STK38L: variants seen among roughly 807,000 people sequenced by gnomAD.
STK38L encodes serine/threonine-protein kinase 38-like.
Under a neutral mutation model 59.7 loss-of-function variants are expected in STK38L, and 28 were observed. That is an observed-to-expected ratio of 0.47 (90% CI 0.35 to 0.64). STK38L has a LOEUF of 0.64. Among genes scored for constraint, STK38L ranks in the 30% least tolerant of loss-of-function variants. The pLI is 0.01. For synonymous variants in STK38L, 162 were observed against 176.8 expected (o/e 0.92, Z 0.66); for missense variants, 314 against 555.8 (o/e 0.56, Z 4.37).
At chr12:27,258,999 CT>C (rs1307168484) in intron 1 of STK38L, among the ~76,000 whole-genome samples, 1 of 152,170 alleles carries the variant, frequency 6.6e-6, no homozygotes, top group African/African-American at 2.4e-5. Flanking sequence ...GAGAGTGGAG[CT>C]TGTTAAATAC....
At chr12:27,295,420 T>A (rs1353734857) in intron 1 of STK38L, among the ~76,000 whole-genome samples, 3 of 152,236 alleles carry the variant, frequency 2.0e-5, no homozygotes, top group Non-Finnish European at 4.4e-5. Context: ...GCAACAAGGC[T>A]GGGATTAGAT....
intron 6 of STK38L, among the ~76,000 whole-genome samples, chr12:27,313,238 G>C (rs1944500013): frequency 8.6e-6 from 1 of 116,668 alleles, no homozygotes; most frequent in Non-Finnish European, 1.7e-5. Flanking sequence ...AAAACAGCGA[G>C]ACTACGTCTC....
chr12:27,278,514 A>G (rs903260249), intron 1 of STK38L, among the ~76,000 whole-genome samples: 9 of 152,234 alleles, frequency 5.9e-5, no homozygotes, highest in East Asian at 3.9e-4. Context: ...GTCTCTTCCT[A>G]CTGTCATATT....
chr12:27,322,499 G>A lies in STK38L; in HGVS notation c.*44G>A, dbSNP rs1218179681. The A allele has an allele frequency of 1.3e-6, 2 of 1,595,004 alleles. No individual in the cohort carries two copies. The highest frequency in any genetic ancestry group is 1.7e-6 in the Non-Finnish European group (2 of 1,173,742). On this transcript the variant is annotated 3_prime_UTR_variant, in exon 14 of 14. Transcript: ENST00000389032. ...CATAACCAAGAGAACTCAGGTAGCTGCATCACCAGGCTTGCTTGGCGTAGA... is the reference window on the plus strand; with the variant it reads ...CATAACCAAGAGAACTCAGGTAGCTACATCACCAGGCTTGCTTGGCGTAGA...
intron 1 of STK38L, among the ~76,000 whole-genome samples, chr12:27,275,540 T>A (rs890315193): frequency 2.0e-5 from 3 of 152,002 alleles, no homozygotes; most frequent in Non-Finnish European, 2.9e-5. Flanking sequence ...GGTTTCACCA[T>A]GTTGGCCAGG....
rs1944759906 is a variant in STK38L at position 27,322,687 on chromosome 12, G to A, written c.*232G>A. On this transcript the variant is annotated 3_prime_UTR_variant, in exon 14 of 14. Transcript: ENST00000389032. ...ATTTTTGTTAACTTTATTATATGAA[G>A]GTACTGGAATAAAAGGAACAGACAT... 5.2e-6 allele frequency: 2 copies of A among 382,342 alleles called. No homozygotes were observed. Among genetic ancestry groups the A allele is most frequent in the Admixed American group, 4.3e-5 (1 of 23,146 alleles). The allele number at this position is 382,342 out of a possible 1,614,324, so 23.7% of individuals were successfully genotyped here.
intron 1 of STK38L, among the ~76,000 whole-genome samples, chr12:27,257,955 G>C (rs929760435): frequency 2.6e-5 from 4 of 151,260 alleles, no homozygotes; most frequent in Non-Finnish European, 5.9e-5. Flanking sequence ...TCTGCCTCCC[G>C]GGTTCAAGTG....
intron 1 of STK38L, among the ~76,000 whole-genome samples, chr12:27,284,951 T>G (rs1310789188): frequency 3.3e-5 from 5 of 152,220 alleles, no homozygotes; most frequent in Non-Finnish European, 2.9e-5. Flanking sequence ...GTCTGATGAG[T>G]CACATGGTAT....
rs1944379436 is a variant in STK38L, at chr12:27,308,834, A to G, written c.310-280A>G. Among the ~76,000 whole-genome samples, 2 of 145,788 alleles carry G rather than the reference A, an allele frequency of 1.4e-5. No individual in the cohort carries two copies. Among genetic ancestry groups the G allele is most frequent in the Non-Finnish European group, 3.0e-5 (2 of 66,646 alleles). On this transcript the variant is annotated intron_variant, in intron 4 of 13. Transcript: ENST00000389032. The surrounding 1 kb of genome is among the most constrained non-coding windows in gnomAD (Gnocchi z 4.5). ...AACGCTCTCTCAAAAAAATATATAT[A>G]TGTGTTTGTATGTATATATAAAAAA...
intron 1 of STK38L, among the ~76,000 whole-genome samples, chr12:27,255,243 T>C (rs1458188541): frequency 1.3e-5 from 2 of 152,304 alleles, no homozygotes; most frequent in South Asian, 2.1e-4. Flanking sequence ...AAAACTGCAT[T>C]TTCATACTAA....
At chr12:27,284,000 A>G (rs1943715516) in intron 1 of STK38L, among the ~76,000 whole-genome samples, 1 of 152,260 alleles carries the variant, frequency 6.6e-6, no homozygotes, top group South Asian at 2.1e-4. Context: ...ATAGCTTTCA[A>G]GAAACCTTTA....
At chr12:27,264,033 T>C (rs1373677615) in intron 1 of STK38L, among the ~76,000 whole-genome samples, 1 of 152,212 alleles carries the variant, frequency 6.6e-6, no homozygotes, top group African/African-American at 2.4e-5. Flanking sequence ...TGAGGTTGAT[T>C]ATGGTATGTC....
At chr12:27,307,577 T>G (rs895431764) in intron 3 of STK38L, among the ~76,000 whole-genome samples, 4 of 152,226 alleles carry the variant, frequency 2.6e-5, no homozygotes, top group Non-Finnish European at 2.9e-5. Flanking sequence ...TCTTTTCCAC[T>G]TAGTGTTTCC....
intron 1 of STK38L, among the ~76,000 whole-genome samples, chr12:27,248,627 C>T (rs994556088): frequency 2.0e-5 from 3 of 150,456 alleles, no homozygotes; most frequent in Admixed American, 6.6e-5. Flanking sequence ...TGCAGTTGAC[C>T]GTACTCATAG....
chr12:27,273,339 G>A (rs546918965), intron 1 of STK38L, among the ~76,000 whole-genome samples: 6 of 152,150 alleles, frequency 3.9e-5, no homozygotes, highest in Admixed American at 6.5e-5. Flanking sequence ...GCCCACCTAC[G>A]CATGGCTTGG....
At chr12:27,270,864 AT>A (rs1320441390) in intron 1 of STK38L, among the ~76,000 whole-genome samples, 1 of 152,208 alleles carries the variant, frequency 6.6e-6, no homozygotes, top group Non-Finnish European at 1.5e-5. Context: ...TATTTGTAAT[AT>A]GTAACTTGCT....
rs1591927956 is a variant in STK38L at position 27,308,109 on chromosome 12, T to TATAG, written c.187-229_187-228insTAGA. Among the ~76,000 whole-genome samples, 1 of 151,560 alleles carries TATAG rather than the reference T, an allele frequency of 6.6e-6. No individual in the cohort carries two copies. Among genetic ancestry groups the TATAG allele is most frequent in the Non-Finnish European group, 1.5e-5 (1 of 67,928 alleles). On this transcript the variant is annotated intron_variant, in intron 3 of 13. Transcript: ENST00000389032. This position sits in a 1 kb window ranked among gnomAD's most constrained non-coding sequence, Gnocchi z 4.5. ...AATAAGTTATACATATATATATATA[T>TATAG]AGACAAATATGATGGACTGAATTAC...
In STK38L at chr12:27,278,413, A is replaced by T. The variant is rs373311777; in HGVS notation, c.-11-19297A>T. Among the ~76,000 whole-genome samples, 151 of 152,290 alleles carry T rather than the reference A, an allele frequency of 9.9e-4. 3 individuals carry two copies. In the South Asian group the frequency reaches 0.027, roughly 27 times the overall value. On this transcript the variant is annotated intron_variant, in intron 1 of 13. Coordinates refer to ENST00000389032, the MANE Select transcript of STK38L (RefSeq NM_015000.4). ...AGGTCCACCCAGGCTAATTGTTTAT[A>T]TGCTAATTGTTTATATGGGTTAGTC...
At chr12:27,279,197 T>G (rs1943600172) in intron 1 of STK38L, among the ~76,000 whole-genome samples, 1 of 152,224 alleles carries the variant, frequency 6.6e-6, no homozygotes, top group Non-Finnish European at 1.5e-5. Context: ...CACTTTCGAC[T>G]TAGTGATGTT....
Sources: allele counts gnomAD v4.1 joint callset (sites outside exome capture counted in the v4.1 genomes callset), GRCh38; gene constraint gnomAD v4.1.1; non-coding constraint Gnocchi (gnomAD v3.1); transcripts MANE v1.5; gene names NCBI Gene and HGNC (gene_info 2026-07-23, HGNC 2026-07-21).